Variants in ESRRG observed in about 807,000 individuals in gnomAD.
The protein encoded by ESRRG is estrogen-related receptor gamma.
Under a neutral mutation model 44.0 loss-of-function variants are expected in ESRRG, and 13 were observed. The observed-to-expected ratio is 0.30, with a 90% CI of 0.19 to 0.47. The LOEUF (loss-of-function observed/expected upper bound fraction) is 0.47, where lower values mean the gene tolerates loss of function less well. Ranked by LOEUF, ESRRG falls within the 20% of genes least tolerant of loss-of-function variation. ESRRG has a pLI of 1.00. For synonymous variants in ESRRG, 215 were observed against 214.6 expected (o/e 1.00, Z -0.02); for missense variants, 395 against 580.6 (o/e 0.68, Z 3.29).
At chr1:216,972,574 G>T (rs552262529) in intron 1 of ESRRG, among the ~76,000 whole-genome samples, 4 of 152,154 alleles carry the variant, frequency 2.6e-5, no homozygotes, top group African/African-American at 9.7e-5. Flanking sequence ...CTCATCAACG[G>T]ACTGTCTGGG....
intron 1 of ESRRG, among the ~76,000 whole-genome samples, chr1:217,025,626 C>A (rs1283630237): frequency 6.6e-6 from 1 of 152,178 alleles, no homozygotes; most frequent in Non-Finnish European, 1.5e-5. Context: ...AGAAAAAAAG[C>A]ATAATCTCTG....
chr1:216,818,248 A>G (rs895450864), intron 2 of ESRRG, among the ~76,000 whole-genome samples: 1 of 152,234 alleles, frequency 6.6e-6, no homozygotes, highest in African/African-American at 2.4e-5. Flanking sequence ...TTCATTACCA[A>G]TGAATGGATT....
intron 2 of ESRRG, among the ~76,000 whole-genome samples, chr1:216,867,554 C>T (rs1207467075): frequency 6.6e-6 from 1 of 152,054 alleles, no homozygotes; most frequent in Non-Finnish European, 1.5e-5. Context: ...TATTTCACTG[C>T]AGAAAAATTG....
At chr1:216,945,762 A>G (rs1002969002) in intron 1 of ESRRG, among the ~76,000 whole-genome samples, 3 of 152,238 alleles carry the variant, frequency 2.0e-5, no homozygotes, top group African/African-American at 7.2e-5. Flanking sequence ...CTCATAAAAA[A>G]GAGCCGACAG....
At chr1:216,687,682 C>T (rs1238714589) in intron 1 of ESRRG, among the ~76,000 whole-genome samples, 1 of 152,176 alleles carries the variant, frequency 6.6e-6, no homozygotes, top group Non-Finnish European at 1.5e-5. Context: ...AATTCAGAAT[C>T]TCTAGACCAC....
intron 2 of ESRRG, among the ~76,000 whole-genome samples, chr1:216,752,409 G>A (rs1053417909): frequency 3.3e-5 from 5 of 152,028 alleles, no homozygotes; most frequent in South Asian, 2.1e-4. Context: ...CATCTCAGCT[G>A]CCTCTAAAGA....
intron 3 of ESRRG, among the ~76,000 whole-genome samples, chr1:216,605,184 G>C (rs1208764745): frequency 6.6e-6 from 1 of 152,102 alleles, no homozygotes; most frequent in Admixed American, 6.5e-5. Context: ...GGTCAGATTT[G>C]CAGTGTTATA....
At chr1:216,983,374 G>A (rs2074310059) in intron 1 of ESRRG, among the ~76,000 whole-genome samples, 2 of 151,728 alleles carry the variant, frequency 1.3e-5, no homozygotes, top group South Asian at 2.1e-4. Flanking sequence ...TAGGACTATA[G>A]GCATGCGCCA....
chr1:216,854,790 A>G (rs1429156128), intron 2 of ESRRG, among the ~76,000 whole-genome samples: 1 of 151,344 alleles, frequency 6.6e-6, no homozygotes, highest in African/African-American at 2.4e-5. Context: ...CTTGTGTTTT[A>G]TTTCTACAGT....
chr1:216,827,417 G>T (rs960293790), intron 2 of ESRRG, among the ~76,000 whole-genome samples: 3 of 152,098 alleles, frequency 2.0e-5, no homozygotes, highest in Admixed American at 1.3e-4. Flanking sequence ...GACAATAACT[G>T]CAGGGAATGC....
intron 1 of ESRRG, among the ~76,000 whole-genome samples, chr1:216,701,962 T>C (rs1254834959): frequency 6.6e-6 from 1 of 152,220 alleles, no homozygotes; most frequent in East Asian, 1.9e-4. Context: ...GGAGATTTAC[T>C]TTTGAAATAT....
chr1:216,624,732 A>G (rs1429146220), intron 3 of ESRRG, among the ~76,000 whole-genome samples: 4 of 152,108 alleles, frequency 2.6e-5, no homozygotes, highest in Non-Finnish European at 4.4e-5. Flanking sequence ...CAAATTTTTA[A>G]CTGCTTCTAA....
intron 2 of ESRRG, among the ~76,000 whole-genome samples, chr1:216,932,872 T>C (rs2063572173): frequency 6.6e-5 from 10 of 151,858 alleles, no homozygotes. Context: ...CCAGCCAATT[T>C]ATATAATTTT....
At chr1:217,080,027 C>G (rs11807789) in intron 1 of ESRRG, among the ~76,000 whole-genome samples, 2,551 of 152,198 alleles carry the variant, frequency 0.017, 76 homozygotes, top group African/African-American at 0.058. Flanking sequence ...TAAATTGCAG[C>G]CTAAACATCA....
At chr1:216,686,504 G>A (rs971787781) in intron 1 of ESRRG, among the ~76,000 whole-genome samples, 21 of 148,754 alleles carry the variant, frequency 1.4e-4, no homozygotes, top group African/African-American at 5.0e-4. Context: ...AGTGAAGCCA[G>A]TAGAAGCCAC....
chr1:216,553,284 TAGGTTAAGC>T (rs1214594746), intron 5 of ESRRG, among the ~76,000 whole-genome samples: 1 of 152,106 alleles, frequency 6.6e-6, no homozygotes, highest in African/African-American at 2.4e-5. Context: ...TTTCCTAATG[TAGGTTAAGC>T]AGGTGTGAAG....
chr1:216,725,700 AC>A (rs1268260255), upstream of ESRRG, among the ~76,000 whole-genome samples: 3 of 152,090 alleles, frequency 2.0e-5, no homozygotes, highest in Non-Finnish European at 4.4e-5. Context: ...ATACACACAC[AC>A]ACAAAAAAGA....
At chr1:217,053,382 G>A (rs1243750794) in intron 1 of ESRRG, among the ~76,000 whole-genome samples, 2 of 151,812 alleles carry the variant, frequency 1.3e-5, no homozygotes, top group Non-Finnish European at 2.9e-5. Context: ...TTGAACCTAG[G>A]AGATAGAGGT....
chr1:217,027,739 T>A (rs2081439064), intron 1 of ESRRG, among the ~76,000 whole-genome samples: 1 of 152,138 alleles, frequency 6.6e-6, no homozygotes, highest in African/African-American at 2.4e-5. Context: ...GAGGTAAAGC[T>A]TGGGTTCCTA....
Sources: gnomAD v4.1 joint callset for allele counts (sites outside exome capture counted in the v4.1 genomes callset) on GRCh38, gnomAD v4.1.1 for gene constraint, MANE v1.5 for transcripts, NCBI Gene and HGNC (gene_info 2026-07-23, HGNC 2026-07-21) for gene names.